Variants in PTPRN2 observed in about 807,000 individuals in gnomAD.
PTPRN2 encodes protein tyrosine phosphatase receptor type N2, also known as receptor-type tyrosine-protein phosphatase N2.
In PTPRN2, 74 loss-of-function variants were observed where a neutral mutation model predicts 118.8. That is an observed-to-expected ratio of 0.62 (90% confidence interval 0.52 to 0.76). The LOEUF is 0.76. Among genes scored for constraint, PTPRN2 ranks in the 30% least tolerant of loss-of-function variants. The pLI, the probability that PTPRN2 is intolerant of heterozygous loss-of-function variation, is 0.00. For synonymous variants in PTPRN2, 641 were observed against 608.0 expected (o/e 1.05, Z -0.80); for missense variants, 1,481 against 1,394.4 (o/e 1.06, Z -0.99).
chr7:158,575,956 T>G (rs1692375435), intron 1 of PTPRN2, among the ~76,000 whole-genome samples: 1 of 152,246 alleles, frequency 6.6e-6, no homozygotes, highest in Non-Finnish European at 1.5e-5. Context: ...TATTTTCCAC[T>G]TGAAAACATT....
intron 12 of PTPRN2, among the ~76,000 whole-genome samples, chr7:157,685,955 C>G (rs1797166962): frequency 6.6e-6 from 1 of 152,176 alleles, no homozygotes; most frequent in Non-Finnish European, 1.5e-5. Flanking sequence ...CGCGCCGGTC[C>G]ACAAGGAGGC....
At chr7:158,485,858 G>A (rs1451918415) in intron 2 of PTPRN2, among the ~76,000 whole-genome samples, 1 of 152,094 alleles carries the variant, frequency 6.6e-6, no homozygotes, top group Admixed American at 6.5e-5. Context: ...CCACATTTTC[G>A]CACGGCTGTC....
In PTPRN2 at chr7:158,348,076, G is replaced by A. The variant is rs565411736; in HGVS notation, c.164-31144C>T. 1.1e-3 allele frequency among the ~76,000 whole-genome samples: 162 copies of A among 152,146 alleles called. 1 individual carries two copies. The highest frequency in any genetic ancestry group is 3.5e-3 in the African/African-American group (146 of 41,476). ...CAGGCCCTGACCCATTCCAAACCAC[G>A]GCCCCCTCCTACATGCTTTTCTCTG... On this transcript the variant is annotated intron_variant, in intron 2 of 22. Transcript: ENST00000389418.
At chr7:158,522,422 G>T (rs188443213) in intron 1 of PTPRN2, among the ~76,000 whole-genome samples, 1 of 150,914 alleles carries the variant, frequency 6.6e-6, no homozygotes, top group African/African-American at 2.4e-5. Flanking sequence ...GCTGGCTCAG[G>T]GGGAAGGTCC....
intron 1 of PTPRN2, among the ~76,000 whole-genome samples, chr7:158,584,231 T>G (rs75559203): frequency 0.011 from 1,700 of 152,256 alleles, 31 homozygotes; most frequent in African/African-American, 0.034. Flanking sequence ...GGGGCCTTTA[T>G]AAAACTGCCC....
intron 3 of PTPRN2, among the ~76,000 whole-genome samples, chr7:158,289,445 T>A (rs912737599): frequency 2.0e-5 from 3 of 152,220 alleles, no homozygotes; most frequent in African/African-American, 7.2e-5. Flanking sequence ...CAGTTGACAC[T>A]CTCTACTGCA....
At chr7:157,781,819 A>T (rs1474076717) in intron 12 of PTPRN2, among the ~76,000 whole-genome samples, 1 of 152,164 alleles carries the variant, frequency 6.6e-6, no homozygotes, top group Non-Finnish European at 1.5e-5. Flanking sequence ...TCCAAATCAC[A>T]TCCCACTGCT....
chr7:158,068,459 C>G (rs76077784), intron 11 of PTPRN2, among the ~76,000 whole-genome samples: 5,581 of 152,218 alleles, frequency 0.037, 347 homozygotes, highest in African/African-American at 0.13. Flanking sequence ...CCTTTGCACT[C>G]GGCACCACCT....
intron 11 of PTPRN2, among the ~76,000 whole-genome samples, chr7:157,928,872 CA>C (rs1272854546): frequency 3.6e-5 from 2 of 55,666 alleles, no homozygotes; most frequent in African/African-American, 1.7e-4. Flanking sequence ...GGGGGTGGGA[CA>C]GGGGGCAGGA....
At chr7:158,319,474 A>AGCCTCTCACACATACACAC (rs1256486494) in intron 2 of PTPRN2, among the ~76,000 whole-genome samples, 1 of 54,404 alleles carries the variant, frequency 1.8e-5, no homozygotes, top group Non-Finnish European at 3.6e-5. Context: ...CCTCACACAC[A>AGCCTCTCACACATACACAC]AGCACAGCCT....
intron 12 of PTPRN2, among the ~76,000 whole-genome samples, chr7:157,840,428 CTGTG>C (rs1414401395): frequency 6.8e-6 from 1 of 146,522 alleles, no homozygotes; most frequent in Non-Finnish European, 1.5e-5. Context: ...CTGTGTGTGA[CTGTG>C]TGACCGCGTG....
chr7:158,113,211 G>T (rs77434791), intron 9 of PTPRN2, among the ~76,000 whole-genome samples: 81 of 152,262 alleles, frequency 5.3e-4, no homozygotes, highest in Non-Finnish European at 3.5e-4. Flanking sequence ...CGAGCTTAGC[G>T]GGTCATGATG....
At chr7:158,321,941 G>T (rs1803055131) in intron 2 of PTPRN2, among the ~76,000 whole-genome samples, 1 of 152,290 alleles carries the variant, frequency 6.6e-6, no homozygotes, top group East Asian at 1.9e-4. Flanking sequence ...AACCCTTCCG[G>T]CAAACAGACA....
chr7:157,975,030 T>C (rs1018326175), intron 11 of PTPRN2, among the ~76,000 whole-genome samples: 1 of 152,114 alleles, frequency 6.6e-6, no homozygotes, highest in Non-Finnish European at 1.5e-5. Flanking sequence ...AGGGTGTTTC[T>C]GGATAAGAAC....
At position 158,459,026 on chromosome 7, in the gene PTPRN2, C is replaced by G. The variant is rs1191584132; in HGVS notation, c.163+30709G>C. On this transcript the variant is annotated intron_variant, in intron 2 of 22. Coordinates refer to ENST00000389418, the MANE Select transcript of PTPRN2 (RefSeq NM_002847.5). ...CTGTGGGGGCACAGGAGAGAGAGGA[C>G]AGGGTGCCGCGGCCATCACAGGGTG... 2.0e-5 allele frequency among the ~76,000 whole-genome samples: 3 copies of G among 152,304 alleles called. No homozygotes were observed. The East Asian group carries it at 5.8e-4, about 29-fold the overall frequency.
intron 12 of PTPRN2, among the ~76,000 whole-genome samples, chr7:157,708,262 C>G (rs1389222526): frequency 6.6e-6 from 1 of 152,238 alleles, no homozygotes; most frequent in Non-Finnish European, 1.5e-5. Flanking sequence ...GCTGCCAGCT[C>G]CCTGGTGCCA....
intron 12 of PTPRN2, among the ~76,000 whole-genome samples, chr7:157,871,406 G>C (rs1210464319): frequency 6.6e-6 from 1 of 152,122 alleles, no homozygotes; most frequent in African/African-American, 2.4e-5. Context: ...TATGGGAAAG[G>C]GCAGGCGTGA....
At chr7:158,310,466 C>T (rs1308931994) in intron 3 of PTPRN2, among the ~76,000 whole-genome samples, 1 of 152,176 alleles carries the variant, frequency 6.6e-6, no homozygotes, top group Admixed American at 6.5e-5. Flanking sequence ...TGGCCGAATG[C>T]GTTCATGCTC....
At chr7:158,391,511 C>A (rs1811924851) in intron 2 of PTPRN2, among the ~76,000 whole-genome samples, 1 of 152,238 alleles carries the variant, frequency 6.6e-6, no homozygotes, top group Admixed American at 6.5e-5. Context: ...CTTCCTGAGG[C>A]TTAAGGTCAC....
Sources: allele counts gnomAD v4.1 joint callset (sites outside exome capture counted in the v4.1 genomes callset), GRCh38; gene constraint gnomAD v4.1.1; transcripts MANE v1.5; gene names NCBI Gene and HGNC (gene_info 2026-07-23, HGNC 2026-07-21).